Variants in ALPK2 observed in about 807,000 individuals in gnomAD.
ALPK2 encodes the protein alpha kinase 2.
Under a neutral mutation model 163.1 loss-of-function variants are expected in ALPK2, and 127 were observed. The observed-to-expected ratio is 0.78, with a 90% CI of 0.67 to 0.90. The LOEUF (loss-of-function observed/expected upper bound fraction) is 0.90, where lower values mean the gene tolerates loss of function less well. ALPK2 is among the 40% of genes least tolerant of loss of function. The pLI is 0.00. For missense variants in ALPK2, 2,360 were observed against 2,589.6 expected (o/e 0.91, Z 1.92); for synonymous variants, 953 against 959.1 (o/e 0.99, Z 0.12).
chr18:58,597,462 A>G (rs1225451711), intron 3 of ALPK2, among the ~76,000 whole-genome samples: 1 of 152,236 alleles, frequency 6.6e-6, no homozygotes, highest in Non-Finnish European at 1.5e-5. Context: ...TAGATACTGT[A>G]ATCATTCCCA....
chr18:58,530,228 G>A (rs2056253457), intron 5 of ALPK2, among the ~76,000 whole-genome samples: 1 of 152,194 alleles, frequency 6.6e-6, no homozygotes, highest in Non-Finnish European at 1.5e-5. Context: ...GCAGATGCTA[G>A]GATGACAGAA....
At chr18:58,543,423 T>C (rs973033056) in intron 4 of ALPK2, 1 of 985,210 alleles carries the variant, frequency 1.0e-6, no homozygotes, top group Non-Finnish European at 1.2e-6. Context: ...AGTCTGTGCG[T>C]TGATACAGGC....
chr18:58,515,074 T>C lies in ALPK2; in HGVS notation c.5948A>G (p.Tyr1983Cys), dbSNP rs751354447. 1.9e-6 allele frequency: 3 copies of C among 1,611,178 alleles called. No homozygotes were observed. The highest frequency in any genetic ancestry group is 2.5e-6 in the Non-Finnish European group (3 of 1,178,374). The change falls in exon 10 of 13, where the codon TAT becomes TGT. Residue 1983 changes from tyrosine to cysteine, a missense_variant. Physicochemically the swap from Tyr to Cys is radical, Grantham distance 194. Transcript: ENST00000361673. Reference sequence around the variant, plus strand: ...ATAATACCTGGCAGTATTTTGAACATAGCATTCCTATATCGCCAAAATACA... The same window carrying C: ...ATAATACCTGGCAGTATTTTGAACACAGCATTCCTATATCGCCAAAATACA... Reference protein sequence around the residue: ...RNYKLAAQECYVQNTARYYAK... With the variant: ...RNYKLAAQECCVQNTARYYAK...
At chr18:58,550,535 A>AACCCC (rs1247870069) in intron 4 of ALPK2, among the ~76,000 whole-genome samples, 11 of 151,946 alleles carry the variant, frequency 7.2e-5, no homozygotes, top group East Asian at 3.9e-4. Context: ...CATCACCTAC[A>AACCCC]ATCCCATCCC....
At chr18:58,521,849 A>G (rs1316667604) in intron 8 of ALPK2, among the ~76,000 whole-genome samples, 1 of 151,378 alleles carries the variant, frequency 6.6e-6, no homozygotes, top group Non-Finnish European at 1.5e-5. Context: ...GATAGTCTTG[A>G]TCTCTTGACC....
chr18:58,502,179 C>A (rs1431823806), intron 11 of ALPK2, among the ~76,000 whole-genome samples: 2 of 108,192 alleles, frequency 1.8e-5, no homozygotes, highest in Middle Eastern at 4.3e-3. Flanking sequence ...CACACACACA[C>A]AAAGAAAAAA....
intron 4 of ALPK2, among the ~76,000 whole-genome samples, chr18:58,542,153 A>C (rs1410012265): frequency 2.0e-5 from 3 of 152,226 alleles, no homozygotes; most frequent in African/African-American, 7.2e-5. Context: ...ACTAGCAACC[A>C]GCGTTTGTAG....
chr18:58,524,401 A>T (rs2051573318), intron 6 of ALPK2, among the ~76,000 whole-genome samples: 1 of 152,234 alleles, frequency 6.6e-6, no homozygotes, highest in African/African-American at 2.4e-5. Flanking sequence ...CTGTGCTTGA[A>T]GGAAAGTCTG....
In ALPK2 at chr18:58,481,336, C is replaced by T. The variant is rs535156282; in HGVS notation, c.*487G>A. 1.1e-4 allele frequency: 17 copies of T among 159,764 alleles called. 1 individual carries two copies. The South Asian group carries it at 2.0e-3, about 19-fold the overall frequency. The allele number at this position is 159,764 out of a possible 1,614,324, so 9.9% of individuals were successfully genotyped here. On this transcript the variant is annotated 3_prime_UTR_variant, in exon 13 of 13. Transcript: ENST00000361673. ...GGCTTCACGTCACAGAACCCACCTC[C>T]GGCAACAATAGCGTATTAGACACCA...
At chr18:58,505,763 G>T (rs1348120472) in intron 10 of ALPK2, among the ~76,000 whole-genome samples, 2 of 151,982 alleles carry the variant, frequency 1.3e-5, no homozygotes, top group African/African-American at 4.8e-5. Flanking sequence ...GCTTTCCCTC[G>T]AAAGAAGCCT....
intron 6 of ALPK2, among the ~76,000 whole-genome samples, chr18:58,527,972 T>A (rs2051592503): frequency 6.6e-6 from 1 of 152,202 alleles, no homozygotes; most frequent in African/African-American, 2.4e-5. Flanking sequence ...AGTCTACTGG[T>A]GACAAAATTA....
chr18:58,611,619 C>G, intron 2 of ALPK2, 70 bp downstream of exon 2: 2 of 1,399,550 alleles, frequency 1.4e-6, no homozygotes, highest in South Asian at 2.5e-5. Flanking sequence ...TTAGTAATGC[C>G]TTTGTGAGCC....
At chr18:58,496,144 G>A (rs1367946622) in intron 12 of ALPK2, among the ~76,000 whole-genome samples, 1 of 152,156 alleles carries the variant, frequency 6.6e-6, no homozygotes. Flanking sequence ...TGCAATAGAC[G>A]TTCATCCCCC....
At position 58,536,629 on chromosome 18, in the gene ALPK2, G is replaced by A. The variant is rs1367619592; in HGVS notation, c.3558C>T (p.Arg1186=). 2 of 1,614,024 alleles carry A rather than the reference G, an allele frequency of 1.2e-6. No individual in the cohort carries two copies. The highest frequency in any genetic ancestry group is 2.7e-5 in the African/African-American group (2 of 74,906). ...CGGAGACCCTCGTCCCCCAACCTGA[G>A]CGCTGCCCTGCTCCTTCCCTAGAGC... The part of the protein sequence containing the change: ...PASSREGAGQ[R]SGWGTRVSVV... Residue 1186 remains arginine (R), a synonymous_variant, in exon 5 of 13, where the codon CGC becomes CGT. Coordinates refer to ENST00000361673, the MANE Select transcript of ALPK2 (RefSeq NM_052947.4).
chr18:58,483,808 G>A (rs1278978557), intron 12 of ALPK2, among the ~76,000 whole-genome samples: 4 of 149,370 alleles, frequency 2.7e-5, no homozygotes, highest in African/African-American at 1.0e-4. Flanking sequence ...CAGGTGATCC[G>A]CCCGCCTCGG....
At chr18:58,486,047 A>G (rs932623732) in intron 12 of ALPK2, among the ~76,000 whole-genome samples, 1 of 152,220 alleles carries the variant, frequency 6.6e-6, no homozygotes, top group Non-Finnish European at 1.5e-5. Flanking sequence ...AATGCCAGGT[A>G]AAAAGAGAGC....
At chr18:58,598,855 G>C (rs904784951) in intron 3 of ALPK2, among the ~76,000 whole-genome samples, 2 of 152,180 alleles carry the variant, frequency 1.3e-5, no homozygotes, top group African/African-American at 2.4e-5. Context: ...AGGTAGGGCT[G>C]ACTCCAAGAA....
intron 3 of ALPK2, among the ~76,000 whole-genome samples, chr18:58,585,632 T>A (rs77096577): frequency 3.0e-4 from 45 of 151,508 alleles, no homozygotes; most frequent in African/African-American, 9.4e-4. Flanking sequence ...TGAAACCACA[T>A]CAGTGAACTT....
chr18:58,500,191 A>G (rs1489681314), intron 11 of ALPK2, among the ~76,000 whole-genome samples: 1 of 151,768 alleles, frequency 6.6e-6, no homozygotes, highest in Non-Finnish European at 1.5e-5. Context: ...TAACTCAAAC[A>G]TATGTAGAAA....
Sources: gnomAD v4.1 joint callset for allele counts (sites outside exome capture counted in the v4.1 genomes callset) on GRCh38, gnomAD v4.1.1 for gene constraint, MANE v1.5 for transcripts, NCBI Gene and HGNC (gene_info 2026-07-23, HGNC 2026-07-21) for gene names.